The following GCA variants were observed in gnomAD, a reference collection of about 807,000 sequenced individuals.
The protein encoded by GCA is grancalcin.
Under a neutral mutation model 32.6 loss-of-function variants are expected in GCA, and 30 were observed. The observed-to-expected ratio is 0.92, with a 90% CI of 0.69 to 1.25. GCA has a LOEUF of 1.25. GCA is among the 50% of genes most tolerant of loss of function. The pLI is 0.00. For missense variants in GCA, 291 were observed against 266.8 expected (o/e 1.09, Z -0.63); for synonymous variants, 102 against 84.6 (o/e 1.21, Z -1.13).
chr2:162,330,627 G>A (rs78358662), intron 1 of GCA, among the ~76,000 whole-genome samples: 8,389 of 152,212 alleles, frequency 0.055, 799 homozygotes, highest in African/African-American at 0.19. Flanking sequence ...GGAAACCTGT[G>A]TAAAATTATC....
At position 162,346,166 on chromosome 2, in the gene GCA, A is replaced by G. The variant is rs571316815; in HGVS notation, c.28-1412A>G. Among the ~76,000 whole-genome samples, 37 of 152,302 alleles carry G rather than the reference A, an allele frequency of 2.4e-4. No individual in the cohort carries two copies. The South Asian group carries it at 7.4e-3, about 31-fold the overall frequency. On this transcript the variant is annotated intron_variant, in intron 1 of 7. Coordinates refer to ENST00000437150, the MANE Select transcript of GCA (RefSeq NM_012198.5). The stretch of plus-strand genomic sequence containing the variant: ...ATGAAACAATCTAAAACTTCGTTAC[A>G]TGTTTTTGTTTGTACATGTTGTATT...
At chr2:162,326,691 T>C (rs145838060) in intron 1 of GCA, among the ~76,000 whole-genome samples, 4 of 152,278 alleles carry the variant, frequency 2.6e-5, no homozygotes, top group Non-Finnish European at 5.9e-5. Context: ...TAATTTTTTG[T>C]ATTTTTAGTA....
Position 162,361,677 on chromosome 2 carries a change from G to A in GCA, c.*1434G>A. 2 of 984,170 alleles carry A rather than the reference G, an allele frequency of 2.0e-6. No homozygotes were observed. The highest frequency in any genetic ancestry group is 2.4e-6 in the Non-Finnish European group (2 of 829,010). 61.0% of individuals were successfully genotyped at this position (984,170 alleles called of 1,614,324 possible). On this transcript the variant is annotated 3_prime_UTR_variant, in exon 8 of 8. Transcript: ENST00000437150. ...ATTTGCTGTCAAATTCACTTGGTCA[G>A]TTTTATAAAAATGTGTGAATAGGTA...
At position 162,360,593 on chromosome 2, in the gene GCA, C is replaced by T; in HGVS notation, c.*350C>T. The T allele has an allele frequency of 8.6e-7, 1 of 1,161,318 alleles. No individual in the cohort carries two copies. Among genetic ancestry groups the T allele is most frequent in the African/African-American group, 1.6e-5 (1 of 62,702 alleles). The allele number at this position is 1,161,318 out of a possible 1,614,324, so 71.9% of individuals were successfully genotyped here. A position where few individuals can be genotyped will look rare whatever the true frequency, so the allele number is the denominator to read the frequency against. On this transcript the variant is annotated 3_prime_UTR_variant, in exon 8 of 8. Coordinates refer to ENST00000437150, the MANE Select transcript of GCA (RefSeq NM_012198.5). ...TGTATAAGAAGCCAAATAATGAAAG[C>T]CTAGAAAAAACTAATTTATACTTAT...
intron 1 of GCA, among the ~76,000 whole-genome samples, chr2:162,336,260 A>T (rs924223119): frequency 2.6e-5 from 4 of 152,208 alleles, no homozygotes; most frequent in Non-Finnish European, 5.9e-5. Flanking sequence ...TTCCAAGGGA[A>T]ATTAGTTTTG....
intron 1 of GCA, among the ~76,000 whole-genome samples, chr2:162,335,992 A>G (rs1684259184): frequency 6.6e-6 from 1 of 152,240 alleles, no homozygotes; most frequent in Non-Finnish European, 1.5e-5. Context: ...CAACTCTGAC[A>G]TTGGTATTAA....
chr2:162,366,750 C>T (rs1312933059), downstream of GCA, among the ~76,000 whole-genome samples: 1 of 151,794 alleles, frequency 6.6e-6, no homozygotes, highest in Non-Finnish European at 1.5e-5. Context: ...AAAACAATTG[C>T]AATGCAAATG....
At position 162,361,169 on chromosome 2, in the gene GCA, G is replaced by A. The variant is rs1409920734; in HGVS notation, c.*926G>A. The A allele has an allele frequency of 2.0e-6, 2 of 984,546 alleles. No homozygotes were observed. The highest frequency in any genetic ancestry group is 3.5e-5 in the African/African-American group (2 of 57,158). The allele number at this position is 984,546 out of a possible 1,614,324, so 61.0% of individuals were successfully genotyped here. A position where few individuals can be genotyped will look rare whatever the true frequency, so the allele number is the denominator to read the frequency against. The stretch of plus-strand genomic sequence containing the variant: ...GACTTATTTGACAACATTAACATTA[G>A]TGGTGGCTTTGCCATTAAAAACCCA... On this transcript the variant is annotated 3_prime_UTR_variant, in exon 8 of 8. Coordinates refer to ENST00000437150, the MANE Select transcript of GCA (RefSeq NM_012198.5).
At chr2:162,324,384 C>T (rs551961246) in intron 1 of GCA, among the ~76,000 whole-genome samples, 15 of 152,164 alleles carry the variant, frequency 9.9e-5, no homozygotes, top group African/African-American at 3.6e-4. Context: ...TGGAATCAGG[C>T]CACTCAGCGG....
chr2:162,353,904 T>G (rs1685124335), intron 3 of GCA, among the ~76,000 whole-genome samples: 1 of 152,140 alleles, frequency 6.6e-6, no homozygotes, highest in Non-Finnish European at 1.5e-5. Context: ...TATCATTTTT[T>G]TTTGCTGAAC....
rs369268500 is a variant in GCA, at chr2:162,353,724, C to T, written c.262+1317C>T. On this transcript the variant is annotated intron_variant, in intron 3 of 7. Transcript: ENST00000437150. ...TGAGATCTTTGTCTTTAGTATTCTG[C>T]GATTTGATGGTAAAGTACCTAGTTG... Among the ~76,000 whole-genome samples the T allele has an allele frequency of 4.0e-4, 61 of 152,192 alleles. No individual in the cohort carries two copies. The South Asian group carries it at 0.012, about 30-fold the overall frequency.
downstream of GCA, among the ~76,000 whole-genome samples, chr2:162,366,164 A>C (rs560783942): frequency 1.3e-5 from 2 of 151,788 alleles, no homozygotes; most frequent in Non-Finnish European, 2.9e-5. Context: ...AGTGACTATC[A>C]TTCAGGGGAT....
chr2:162,348,019 G>T (rs1488382901), intron 2 of GCA, among the ~76,000 whole-genome samples: 1 of 151,984 alleles, frequency 6.6e-6, no homozygotes, highest in Admixed American at 6.6e-5. Flanking sequence ...GTATGCTTGC[G>T]TTACTGAAAT....
At chr2:162,369,299 G>A (rs1685849645) in intron 4 of GCA, among the ~76,000 whole-genome samples, 1 of 152,020 alleles carries the variant, frequency 6.6e-6, no homozygotes, top group African/African-American at 2.4e-5. Flanking sequence ...TTTAGCCATT[G>A]AGTCTTCTGA....
rs555429380 is a variant in GCA at position 162,322,975 on chromosome 2, A to C, written c.-31+3750A>C. 9.3e-3 allele frequency among the ~76,000 whole-genome samples: 1,410 copies of C among 152,012 alleles called. 16 individuals carry two copies. The highest frequency in any genetic ancestry group is 0.013 in the Non-Finnish European group (880 of 68,032). ...ATTTCTAGTTCTAGATCCCTGAGGA[A>C]TCACCACACTGACTTCCACAATGGT... On this transcript the variant is annotated intron_variant, in intron 1 of 4. Transcript: ENST00000429691.
intron 3 of GCA, among the ~76,000 whole-genome samples, chr2:162,355,170 C>G (rs1202264909): frequency 1.3e-5 from 2 of 152,092 alleles, no homozygotes; most frequent in African/African-American, 4.8e-5. Flanking sequence ...TTTCTGGGTC[C>G]CAGTTTCTTC....
chr2:162,329,992 C>T (rs1263945224), intron 1 of GCA, among the ~76,000 whole-genome samples: 2 of 152,288 alleles, frequency 1.3e-5, no homozygotes, highest in Non-Finnish European at 2.9e-5. Context: ...CGTCCGTGCA[C>T]AGGATATGAT....
At chr2:162,328,884 G>C (rs902527092) in intron 1 of GCA, among the ~76,000 whole-genome samples, 1 of 152,152 alleles carries the variant, frequency 6.6e-6, no homozygotes, top group African/African-American at 2.4e-5. Context: ...AATTGAATGG[G>C]AAGGTTTACC....
chr2:162,358,996 GTTC>G (rs1301286389), intron 5 of GCA, 45 bp from the exon 6 acceptor site: 1 of 876,004 alleles, frequency 1.1e-6, no homozygotes, highest in South Asian at 1.5e-5. Flanking sequence ...ATCTTGCAGT[GTTC>G]TTATGTTATT....
Sources: gnomAD v4.1 joint callset for allele counts (sites outside exome capture counted in the v4.1 genomes callset) on GRCh38, gnomAD v4.1.1 for gene constraint, MANE v1.5 for transcripts, NCBI Gene and HGNC (gene_info 2026-07-23, HGNC 2026-07-21) for gene names.